METTL15: variants seen among roughly 807,000 people sequenced by gnomAD.
The protein encoded by METTL15 is methyltransferase 15, mitochondrial 12S rRNA N4-cytidine.
A neutral mutation model predicts 38.3 loss-of-function variants in METTL15; 34 were observed. The observed-to-expected ratio is 0.89, with a 90% confidence interval of 0.68 to 1.18. The LOEUF (loss-of-function observed/expected upper bound fraction) is 1.18, where lower values mean the gene tolerates loss of function less well. Among genes scored for constraint, METTL15 ranks in the 50% most tolerant of loss-of-function variants. The pLI is 0.00. For synonymous variants in METTL15, 162 were observed against 170.9 expected, an observed-to-expected ratio of 0.95 and a Z score of 0.41; for missense variants, 438 against 498.4, an observed-to-expected ratio of 0.88 and a Z score of 1.15.
chr11:28,195,011 T>G (rs555427681), intron 3 of METTL15, among the ~76,000 whole-genome samples: 1 of 152,070 alleles, frequency 6.6e-6, no homozygotes, highest in Admixed American at 6.6e-5. Flanking sequence ...TCCATCCAAG[T>G]TGCTGCAAAA....
chr11:28,304,256 T>G (rs1857004894), intron 6 of METTL15, among the ~76,000 whole-genome samples: 1 of 152,112 alleles, frequency 6.6e-6, no homozygotes, highest in Non-Finnish European at 1.5e-5. Context: ...TTATGTGACT[T>G]GTAGGAAGGA....
intron 4 of METTL15, among the ~76,000 whole-genome samples, chr11:28,215,351 A>C (rs1852818156): frequency 6.6e-6 from 1 of 152,008 alleles, no homozygotes. Flanking sequence ...TTAGAGTAAT[A>C]TTTTAGGCTT....
At chr11:28,329,081 T>C (rs1204712533) in intron 6 of METTL15, among the ~76,000 whole-genome samples, 1 of 152,154 alleles carries the variant, frequency 6.6e-6, no homozygotes, top group Non-Finnish European at 1.5e-5. Flanking sequence ...TCTGAGAGTT[T>C]TATAGTTTGT....
rs186331845 is a variant in METTL15 at position 28,197,743 on chromosome 11, C to T, written c.271-13319C>T. Reference sequence around the variant, plus strand: ...GTTTGCACATGCACACATAGACACTCTGGGTTGTACACCAACACTTGTATG... The same window carrying T: ...GTTTGCACATGCACACATAGACACTTTGGGTTGTACACCAACACTTGTATG... On this transcript the variant is annotated intron_variant, in intron 3 of 6. Coordinates refer to ENST00000407364, the MANE Select transcript of METTL15 (RefSeq NM_001113528.2). Among the ~76,000 whole-genome samples the T allele has an allele frequency of 2.0e-5, 3 of 152,202 alleles. No individual in the cohort carries two copies. The East Asian group carries it at 5.8e-4, about 29-fold the overall frequency.
At chr11:28,259,045 G>C (rs1003049022) in intron 4 of METTL15, among the ~76,000 whole-genome samples, 1 of 152,008 alleles carries the variant, frequency 6.6e-6, no homozygotes, top group Non-Finnish European at 1.5e-5. Flanking sequence ...TAGTACCTGG[G>C]TATCACTGCT....
chr11:28,125,162 T>C lies in METTL15; in HGVS notation c.270+11558T>C, dbSNP rs979334225. On this transcript the variant is annotated intron_variant, in intron 3 of 6. Coordinates refer to ENST00000407364, the MANE Select transcript of METTL15 (RefSeq NM_001113528.2). Reference sequence around the variant, plus strand: ...AATATCATGTTAGTAATAGAAACCATCCAGATTTTTCTAAAGTTATTAAGC... The same window carrying C: ...AATATCATGTTAGTAATAGAAACCACCCAGATTTTTCTAAAGTTATTAAGC... 1.1e-4 allele frequency among the ~76,000 whole-genome samples: 16 copies of C among 152,100 alleles called. 1 individual carries two copies. Among genetic ancestry groups the C allele is most frequent in the African/African-American group, 3.9e-4 (16 of 41,450 alleles).
intron 3 of METTL15, among the ~76,000 whole-genome samples, chr11:28,192,767 C>T (rs1051312428): frequency 6.6e-6 from 1 of 151,948 alleles, no homozygotes; most frequent in African/African-American, 2.4e-5. Flanking sequence ...ATTAAATACC[C>T]TATAATCCAC....
chr11:28,461,938 T>C (rs1851219372), intron 6 of METTL15, among the ~76,000 whole-genome samples: 1 of 152,098 alleles, frequency 6.6e-6, no homozygotes, highest in African/African-American at 2.4e-5. Flanking sequence ...ATCCATCTTT[T>C]GAGAAAAAAA....
At chr11:28,302,861 G>A (rs1424012280) in intron 6 of METTL15, among the ~76,000 whole-genome samples, 4 of 151,978 alleles carry the variant, frequency 2.6e-5, no homozygotes, top group African/African-American at 9.7e-5. Flanking sequence ...ATAATGCTTT[G>A]ATAGAATATT....
intron 5 of METTL15, among the ~76,000 whole-genome samples, chr11:28,369,943 T>C (rs1175817246): frequency 1.3e-5 from 2 of 152,160 alleles, no homozygotes; most frequent in African/African-American, 4.8e-5. Flanking sequence ...TATTCTCTCA[T>C]TAATACTTAA....
intron 6 of METTL15, among the ~76,000 whole-genome samples, chr11:28,474,504 G>A (rs1289044530): frequency 1.3e-5 from 2 of 152,082 alleles, no homozygotes. Context: ...ATAGCTGAAG[G>A]TGACCCAAGC....
In METTL15 at chr11:28,330,864, A is replaced by G. The variant is rs1444748401; in HGVS notation, c.*23A>G. On this transcript the variant is annotated 3_prime_UTR_variant, in exon 7 of 7. Coordinates refer to ENST00000407364, the MANE Select transcript of METTL15 (RefSeq NM_001113528.2). ...TAAGTTATCATCATCTTATTCTTCA[A>G]ATTTTTTTCTCACAATTTCTCTAAT... 5.3e-6 allele frequency: 8 copies of G among 1,501,854 alleles called. No homozygotes were observed. The East Asian group carries it at 7.4e-5, about 14-fold the overall frequency. The allele number at this position is 1,501,854 out of a possible 1,614,324, so 93.0% of individuals were successfully genotyped here.
chr11:28,211,555 A>G (rs908968935), intron 4 of METTL15, among the ~76,000 whole-genome samples: 1 of 152,072 alleles, frequency 6.6e-6, no homozygotes, highest in Non-Finnish European at 1.5e-5. Flanking sequence ...AGCAGAGTAA[A>G]TAAGTATGTG....
At chr11:28,357,379 C>T (rs1404553420) in intron 4 of METTL15, among the ~76,000 whole-genome samples, 2 of 152,158 alleles carry the variant, frequency 1.3e-5, no homozygotes, top group African/African-American at 4.8e-5. Context: ...TTTCTTCTTT[C>T]TTTTCCACCT....
At chr11:28,253,167 G>A (rs1381554920) in intron 4 of METTL15, among the ~76,000 whole-genome samples, 2 of 152,114 alleles carry the variant, frequency 1.3e-5, no homozygotes, top group African/African-American at 2.4e-5. Context: ...CTGAAGTTTA[G>A]TCTAATTAGC....
intron 3 of METTL15, among the ~76,000 whole-genome samples, chr11:28,155,392 T>C (rs1420538656): frequency 6.6e-6 from 1 of 152,178 alleles, no homozygotes. Flanking sequence ...ATGTTTGCCT[T>C]TAGAGCCAAT....
intron 6 of METTL15, among the ~76,000 whole-genome samples, chr11:28,505,528 A>T (rs1851621324): frequency 6.6e-6 from 1 of 152,238 alleles, no homozygotes; most frequent in Non-Finnish European, 1.5e-5. Context: ...TCCTCACAGG[A>T]TGTTTTTAGT....
chr11:28,383,810 A>AT (rs1850412892), intron 5 of METTL15, among the ~76,000 whole-genome samples: 1 of 151,628 alleles, frequency 6.6e-6, no homozygotes, highest in African/African-American at 2.4e-5. Flanking sequence ...TATTTTTATT[A>AT]TTTTTTTAAC....
At chr11:28,349,713 G>T (rs1229802159) in intron 3 of METTL15, among the ~76,000 whole-genome samples, 1 of 152,064 alleles carries the variant, frequency 6.6e-6, no homozygotes, top group African/African-American at 2.4e-5. Context: ...GTTTTAACAA[G>T]TATATTTACC....
Sources: gnomAD v4.1 joint callset for allele counts (sites outside exome capture counted in the v4.1 genomes callset) on GRCh38, gnomAD v4.1.1 for gene constraint, MANE v1.5 for transcripts, NCBI Gene and HGNC (gene_info 2026-07-23, HGNC 2026-07-21) for gene names.